The following PRP4K variants were observed in gnomAD, a reference collection of about 807,000 sequenced individuals.
PRP4K encodes the protein serine/threonine-protein kinase PRP4 homolog.
the PRP4K span, chr6:4,032,360 T>G: frequency 6.2e-7 from 1 of 1,613,922 alleles, no homozygotes; most frequent in South Asian, 1.1e-5. Context: ...CAATTATAAA[T>G]GAAAGTAGAA....
the PRP4K span, among the ~76,000 whole-genome samples, chr6:4,043,443 C>T: frequency 3.3e-5 from 5 of 152,018 alleles, no homozygotes; most frequent in Admixed American, 3.3e-4. Context: ...TGATATGGTG[C>T]ATCTATTATG....
the PRP4K span, among the ~76,000 whole-genome samples, chr6:4,027,545 A>G: frequency 7.4e-6 from 1 of 135,144 alleles, no homozygotes; most frequent in South Asian, 2.4e-4. Flanking sequence ...ATTTTTGTGA[A>G]TAAATATATT....
chr6:4,052,160 G>A, the PRP4K span: 57 of 1,443,650 alleles, frequency 3.9e-5, no homozygotes, highest in East Asian at 1.3e-3. Flanking sequence ...ATCTCATTTT[G>A]GATAAATGCT....
At chr6:4,047,901 TACACACACACAC>T in the PRP4K span, among the ~76,000 whole-genome samples, 1,226 of 142,094 alleles carry the variant, frequency 8.6e-3, 4 homozygotes, top group Middle Eastern at 0.014. Context: ...CATGTATATG[TACACACACACAC>T]ACACACACAC....
the PRP4K span, among the ~76,000 whole-genome samples, chr6:4,024,889 C>G: frequency 6.6e-6 from 1 of 152,190 alleles, no homozygotes; most frequent in Non-Finnish European, 1.5e-5. Flanking sequence ...CAGTCATAAG[C>G]CACTGCACCT....
At chr6:4,022,453 G>GT in the PRP4K span, among the ~76,000 whole-genome samples, 873 of 70,270 alleles carry the variant, frequency 0.012, 8 homozygotes, top group South Asian at 0.1. Context: ...TATAGCGACC[G>GT]TTTTTTTTTT....
the PRP4K span, among the ~76,000 whole-genome samples, chr6:4,037,202 G>A: frequency 1.3e-5 from 2 of 152,078 alleles, no homozygotes; most frequent in Admixed American, 1.3e-4. Flanking sequence ...GAGGAAATAA[G>A]ACCTTTCATT....
At chr6:4,059,786 C>A in the PRP4K span, among the ~76,000 whole-genome samples, 69 of 152,238 alleles carry the variant, frequency 4.5e-4, no homozygotes, top group Non-Finnish European at 7.1e-4. Flanking sequence ...GCTGGGATTA[C>A]AATTGTGTGC....
the PRP4K span, among the ~76,000 whole-genome samples, chr6:4,054,028 G>A: frequency 2.6e-5 from 4 of 151,956 alleles, no homozygotes; most frequent in East Asian, 3.9e-4. Context: ...TCCTGCCTCC[G>A]CCTCCCCAGT....
chr6:4,050,896 GTTGTTTGT>G, the PRP4K span, among the ~76,000 whole-genome samples: 10 of 152,006 alleles, frequency 6.6e-5, no homozygotes, highest in African/African-American at 2.4e-4. Flanking sequence ...TTTTTTTGTT[GTTGTTTGT>G]TTGTTTGTTT....
At chr6:4,032,140 T>G in the PRP4K span, 2 of 1,613,258 alleles carry the variant, frequency 1.2e-6, no homozygotes, top group East Asian at 4.5e-5. Flanking sequence ...ATTGAAATCG[T>G]TAAAGAGAAA....
the PRP4K span, among the ~76,000 whole-genome samples, chr6:4,021,662 G>T: frequency 6.6e-6 from 1 of 152,212 alleles, no homozygotes; most frequent in Non-Finnish European, 1.5e-5. Flanking sequence ...GTGGCTGCTG[G>T]GGTGAAGGCG....
the PRP4K span, chr6:4,063,834 G>A: frequency 2.0e-5 from 3 of 152,026 alleles, no homozygotes; most frequent in African/African-American, 7.2e-5. Context: ...TTTTAGAGTA[G>A]CTGTATGCTT....
chr6:4,056,692 T>C, the PRP4K span: 1 of 1,545,904 alleles, frequency 6.5e-7, no homozygotes, highest in Non-Finnish European at 8.7e-7. Context: ...ATTCAAGGTC[T>C]GATTATCACA....
the PRP4K span, chr6:4,021,613 G>GGGAGCAGGCGGCCTTC: frequency 1.3e-5 from 15 of 1,146,414 alleles, no homozygotes; most frequent in South Asian, 2.0e-4. Context: ...GGGAGGCATG[G>GGGAGCAGGCGGCCTTC]GGAGCAGGCG....
the PRP4K span, among the ~76,000 whole-genome samples, chr6:4,023,178 G>A: frequency 5.3e-5 from 8 of 152,322 alleles, no homozygotes; most frequent in Admixed American, 5.2e-4. Context: ...TGCTCATAGT[G>A]AGTCCCTGAA....
At chr6:4,057,439 A>G in the PRP4K span, among the ~76,000 whole-genome samples, 1 of 152,356 alleles carries the variant, frequency 6.6e-6, no homozygotes, top group Non-Finnish European at 1.5e-5. Flanking sequence ...ATACACCCTT[A>G]TGGGTAAAAG....
the PRP4K span, among the ~76,000 whole-genome samples, chr6:4,037,969 A>G: frequency 6.6e-6 from 1 of 152,082 alleles, no homozygotes; most frequent in African/African-American, 2.4e-5. Flanking sequence ...GACTTAGGCA[A>G]AGGCCTATTT....
At chr6:4,032,613 A>C in the PRP4K span, 1 of 1,614,122 alleles carries the variant, frequency 6.2e-7, no homozygotes, top group Non-Finnish European at 8.5e-7. Flanking sequence ...ATCAAGAAGA[A>C]GCAGGTCTCC....
Sources: gnomAD v4.1 joint callset for allele counts (sites outside exome capture counted in the v4.1 genomes callset) on GRCh38, gnomAD v4.1.1 for gene constraint, MANE v1.5 for transcripts, NCBI Gene and HGNC (gene_info 2026-07-23, HGNC 2026-07-21) for gene names.